PIN4: variants seen among roughly 807,000 people sequenced by gnomAD.
PIN4 encodes the protein peptidylprolyl cis/trans isomerase, NIMA-interacting 4, also known as peptidyl-prolyl cis-trans isomerase NIMA-interacting 4.
A neutral mutation model predicts 8.3 loss-of-function variants in PIN4; 3 were observed. That is an observed-to-expected ratio of 0.36 (90% CI 0.16 to 0.93). The LOEUF is 0.93. Among genes scored for constraint, PIN4 ranks in the 40% least tolerant of loss-of-function variants. PIN4 has a pLI of 0.44. For synonymous variants in PIN4, 18 were observed against 32.5 expected, an observed-to-expected ratio of 0.55 and a Z score of 1.52; for missense variants, 75 against 100.6, an observed-to-expected ratio of 0.75 and a Z score of 1.09.
At chrX:72,221,429 G>A (rs976046583) in intron 3 of PIN4, among the ~76,000 whole-genome samples, 17 of 110,956 alleles carry the variant, frequency 1.5e-4, no homozygotes, top group African/African-American at 5.3e-4. Flanking sequence ...TTTAGAAAGA[G>A]GACGCCGGGT....
intron 3 of PIN4, among the ~76,000 whole-genome samples, chrX:72,234,974 T>G (rs904251653): frequency 1.8e-5 from 2 of 111,881 alleles, no homozygotes; most frequent in African/African-American, 6.5e-5. Flanking sequence ...GACATCGATA[T>G]TGATGGATTT....
chrX:72,261,511 C>T (rs748074203), intron 3 of PIN4, among the ~76,000 whole-genome samples: 1 of 111,338 alleles, frequency 9.0e-6, no homozygotes, highest in African/African-American at 3.3e-5. Flanking sequence ...ATGCGACTTT[C>T]GGTATGCTTT....
intron 2 of PIN4, among the ~76,000 whole-genome samples, chrX:72,187,029 C>T (rs749274298): frequency 8.9e-6 from 1 of 112,576 alleles, no homozygotes; most frequent in African/African-American, 3.2e-5. Flanking sequence ...TGTACTTTCT[C>T]AGATACCCAG....
chrX:72,254,472 G>C (rs1220149470), intron 3 of PIN4, among the ~76,000 whole-genome samples: 2 of 112,150 alleles, frequency 1.8e-5, no homozygotes, highest in African/African-American at 3.2e-5. Flanking sequence ...TTCTCCTGTA[G>C]ATATCAGCTC....
intron 3 of PIN4, among the ~76,000 whole-genome samples, chrX:72,258,163 G>A (rs1022029768): frequency 5.4e-5 from 6 of 111,695 alleles, no homozygotes; most frequent in African/African-American, 1.3e-4. Context: ...GAAGTCCTGT[G>A]CAAGGAAAGG....
chrX:72,233,718 T>A lies in PIN4; in HGVS notation c.313-28989T>A, dbSNP rs2042999173. Among the ~76,000 whole-genome samples the A allele has an allele frequency of 7.5e-5, 5 of 66,567 alleles. No individual in the cohort carries two copies. The South Asian group carries it at 4.5e-3, about 60-fold the overall frequency. The allele number at this position is 66,567 out of a possible 115,157, so 57.8% of individuals were successfully genotyped here. On this transcript the variant is annotated intron_variant, in intron 3 of 3. Transcript: ENST00000423432. ...GCCCGGATGACACTGCAAGACTCCG[T>A]CTCAAAAAAAAAAAATTTGAATATG...
At chrX:72,255,738 G>C (rs1444080546) in intron 3 of PIN4, 2 of 111,461 alleles carry the variant, frequency 1.8e-5, no homozygotes, top group African/African-American at 6.5e-5. Flanking sequence ...GGCGAGCAGG[G>C]GGCGGATGGG....
chrX:72,188,370 T>C (rs941902458), intron 2 of PIN4, among the ~76,000 whole-genome samples: 1 of 111,931 alleles, frequency 8.9e-6, no homozygotes, highest in Non-Finnish European at 1.9e-5. Flanking sequence ...TTTATTTTTT[T>C]TTTTGAGACG....
chrX:72,202,064 G>A (rs1238822344), downstream of PIN4, among the ~76,000 whole-genome samples: 1 of 113,066 alleles, frequency 8.8e-6, no homozygotes, highest in African/African-American at 3.2e-5. Context: ...CCTGTGGAGA[G>A]GATATTTCCT....
downstream of PIN4, among the ~76,000 whole-genome samples, chrX:72,199,418 G>A (rs903358199): frequency 1.3e-4 from 14 of 111,878 alleles, no homozygotes; most frequent in African/African-American, 4.2e-4. Context: ...CACACCTGTA[G>A]TCTCAGCTAC....
intron 3 of PIN4, among the ~76,000 whole-genome samples, chrX:72,258,575 T>C (rs1602463541): frequency 9.0e-6 from 1 of 111,521 alleles, no homozygotes; most frequent in Non-Finnish European, 1.9e-5. Flanking sequence ...AGACCCACAC[T>C]GAGGAAACCC....
intron 3 of PIN4, chrX:72,208,534 A>C (rs770124131): frequency 6.6e-6 from 8 of 1,211,718 alleles, no homozygotes; most frequent in Non-Finnish European, 8.9e-6. Context: ...CACATCTGTA[A>C]ATTCATCATC....
chrX:72,189,650 T>TA (rs754069654), intron 2 of PIN4, among the ~76,000 whole-genome samples: 8 of 111,909 alleles, frequency 7.1e-5, no homozygotes, highest in Non-Finnish European at 1.3e-4. Context: ...ACACTCAAAG[T>TA]AAATGCTCAT....
chrX:72,184,408 C>T (rs907895954), intron 1 of PIN4, among the ~76,000 whole-genome samples: 3 of 111,722 alleles, frequency 2.7e-5, no homozygotes, highest in Non-Finnish European at 5.7e-5. Context: ...ACAGTTCCAT[C>T]GTGTGCCCCC....
chrX:72,245,890 G>A (rs758216960), intron 3 of PIN4, among the ~76,000 whole-genome samples: 2 of 111,312 alleles, frequency 1.8e-5, no homozygotes, highest in Admixed American at 9.6e-5. Context: ...CCTGCCTTTC[G>A]GGGTTTGGGT....
intron 3 of PIN4, among the ~76,000 whole-genome samples, chrX:72,251,164 T>C (rs1317423734): frequency 1.2e-4 from 13 of 104,059 alleles, no homozygotes; most frequent in African/African-American, 4.6e-4. Flanking sequence ...GAGACCATCC[T>C]GGCTAACACA....
At chrX:72,198,638 C>T (rs2042778274), downstream of PIN4, 1 of 112,103 alleles carries the variant, frequency 8.9e-6, no homozygotes, top group Admixed American at 9.5e-5. Flanking sequence ...CACTTGAGCC[C>T]AGGAGTTCTG....
chrX:72,192,109 T>A (rs144629210), intron 2 of PIN4, among the ~76,000 whole-genome samples: 5 of 110,270 alleles, frequency 4.5e-5, no homozygotes, highest in African/African-American at 9.9e-5. Context: ...CCACCACCAC[T>A]CCCGGCTAAT....
chrX:72,197,721 T>G lies in PIN4; in HGVS notation c.*195T>G. 1.0e-6 allele frequency: 1 copy of G among 981,542 alleles called. No individual in the cohort carries two copies. Among genetic ancestry groups the G allele is most frequent in the African/African-American group, 1.9e-5 (1 of 51,616 alleles). The allele number at this position is 981,542 out of a possible 1,213,427, so 80.9% of individuals were successfully genotyped here. On this transcript the variant is annotated 3_prime_UTR_variant, in exon 4 of 4. Transcript: ENST00000373669. ...AGGGTGGGGCTAAGTGAATGTCAACTGTAGTAGGTATTCAGTCAGTCTTTC... is the reference window on the plus strand; with the variant it reads ...AGGGTGGGGCTAAGTGAATGTCAACGGTAGTAGGTATTCAGTCAGTCTTTC...
Sources: gnomAD v4.1 joint callset for allele counts (sites outside exome capture counted in the v4.1 genomes callset) on GRCh38, gnomAD v4.1.1 for gene constraint, MANE v1.5 for transcripts, NCBI Gene and HGNC (gene_info 2026-07-23, HGNC 2026-07-21) for gene names.